Variants in STK3 observed in about 807,000 individuals in gnomAD.
STK3 encodes the protein serine/threonine kinase 3.
Under a neutral mutation model 58.0 loss-of-function variants are expected in STK3, and 41 were observed. That is an observed-to-expected ratio of 0.71 (90% CI 0.55 to 0.92). The LOEUF (loss-of-function observed/expected upper bound fraction) is 0.92. STK3 is among the 40% of genes least tolerant of loss of function. The pLI, the probability that STK3 is intolerant of heterozygous loss-of-function variation, is 0.00. For synonymous variants in STK3, 170 were observed against 191.0 expected (o/e 0.89, Z 0.91); for missense variants, 479 against 602.7 (o/e 0.79, Z 2.15).
intron 10 of STK3, among the ~76,000 whole-genome samples, chr8:98,480,772 T>C (rs189181102): frequency 6.6e-6 from 1 of 152,134 alleles, no homozygotes; most frequent in African/African-American, 2.4e-5. Flanking sequence ...CAAACAAAAT[T>C]AATAATAGTC....
intron 3 of STK3, among the ~76,000 whole-genome samples, chr8:98,857,731 T>C (rs1397841847): frequency 1.3e-5 from 2 of 152,200 alleles, no homozygotes; most frequent in African/African-American, 2.4e-5. Context: ...TATTTCAAGT[T>C]AAAATTATTT....
At chr8:98,874,621 TG>T (rs1486491385) in intron 3 of STK3, among the ~76,000 whole-genome samples, 1 of 151,952 alleles carries the variant, frequency 6.6e-6, no homozygotes, top group Non-Finnish European at 1.5e-5. Context: ...TCCATCAAAA[TG>T]TTTATAATTT....
At chr8:98,546,130 C>G (rs967595362) in intron 9 of STK3, among the ~76,000 whole-genome samples, 3 of 152,136 alleles carry the variant, frequency 2.0e-5, no homozygotes, top group African/African-American at 7.2e-5. Flanking sequence ...ATAAAAACCA[C>G]TTATCTGTTC....
chr8:98,706,881 A>G (rs1826007182), intron 5 of STK3, among the ~76,000 whole-genome samples: 1 of 152,210 alleles, frequency 6.6e-6, no homozygotes, highest in Non-Finnish European at 1.5e-5. Flanking sequence ...ATAGTGCTAC[A>G]ATGATAAAAG....
At chr8:98,667,995 T>C (rs1822498062) in intron 6 of STK3, among the ~76,000 whole-genome samples, 1 of 152,126 alleles carries the variant, frequency 6.6e-6, no homozygotes, top group South Asian at 2.1e-4. Flanking sequence ...CATTAGAGTA[T>C]TAGACACTTT....
At chr8:98,941,600 G>GGAAGCC (rs1840434084) in intron 1 of STK3, among the ~76,000 whole-genome samples, 1 of 152,238 alleles carries the variant, frequency 6.6e-6, no homozygotes, top group Admixed American at 6.5e-5. Flanking sequence ...GAGGCTGAGA[G>GGAAGCC]TCAACTCCAG....
intron 6 of STK3, among the ~76,000 whole-genome samples, chr8:98,674,665 C>G (rs1415587630): frequency 6.6e-6 from 1 of 152,004 alleles, no homozygotes. Flanking sequence ...GTCTAAAAAC[C>G]CTTCACTTCA....
At chr8:98,475,045 C>T (rs1563639994) in intron 10 of STK3, among the ~76,000 whole-genome samples, 2 of 152,166 alleles carry the variant, frequency 1.3e-5, no homozygotes, top group Non-Finnish European at 2.9e-5. Flanking sequence ...CGGTGACATA[C>T]ACATATTCAG....
intron 10 of STK3, among the ~76,000 whole-genome samples, chr8:98,478,680 T>A (rs1024306278): frequency 1.3e-5 from 2 of 152,216 alleles, no homozygotes; most frequent in Non-Finnish European, 2.9e-5. Flanking sequence ...TTTCGGAGCC[T>A]CTAAAATAAA....
chr8:98,620,514 C>CA (rs1181787226), intron 6 of STK3, among the ~76,000 whole-genome samples: 5,340 of 132,688 alleles, frequency 0.04, 207 homozygotes, highest in African/African-American at 0.1. Context: ...AGGTCAACAT[C>CA]AAAAAAAAAA....
At chr8:98,821,522 T>C (rs907595054) in intron 1 of STK3, among the ~76,000 whole-genome samples, 4 of 151,168 alleles carry the variant, frequency 2.6e-5, no homozygotes, top group Non-Finnish European at 5.9e-5. Flanking sequence ...AAATTAGGTA[T>C]GGTGGTGCGT....
At chr8:98,554,519 T>C (rs1303779500) in intron 8 of STK3, among the ~76,000 whole-genome samples, 2 of 152,130 alleles carry the variant, frequency 1.3e-5, no homozygotes, top group Non-Finnish European at 2.9e-5. Context: ...TTAGATAAAA[T>C]TGTAAAAACA....
intron 2 of STK3, among the ~76,000 whole-genome samples, chr8:98,373,180 CT>C (rs1419814119): frequency 1.3e-5 from 2 of 152,072 alleles, no homozygotes; most frequent in Non-Finnish European, 1.5e-5. Flanking sequence ...ATTATTCTTG[CT>C]TTTTTTGTGA....
chr8:98,920,267 AG>A (rs1393398504), intron 1 of STK3, among the ~76,000 whole-genome samples: 4 of 152,160 alleles, frequency 2.6e-5, no homozygotes, highest in Admixed American at 6.5e-5. Context: ...AAAAAATTGG[AG>A]GTTGGGGTAG....
chr8:98,716,735 C>G (rs138807538), intron 4 of STK3, among the ~76,000 whole-genome samples: 1 of 151,918 alleles, frequency 6.6e-6, no homozygotes, highest in Non-Finnish European at 1.5e-5. Context: ...AATAGAAGAA[C>G]AAAGCTAAAA....
At chr8:98,774,410 T>C (rs1271733886) in intron 2 of STK3, among the ~76,000 whole-genome samples, 2 of 152,214 alleles carry the variant, frequency 1.3e-5, no homozygotes, top group Non-Finnish European at 2.9e-5. Flanking sequence ...AGGATGGCCT[T>C]ATGGTCACTT....
intron 2 of STK3, among the ~76,000 whole-genome samples, chr8:98,375,017 A>T (rs991033146): frequency 6.6e-6 from 1 of 152,108 alleles, no homozygotes; most frequent in Non-Finnish European, 1.5e-5. Context: ...AGGTGGGAGG[A>T]TCACTGGAGC....
At chr8:98,900,201 C>T (rs896102132) in intron 1 of STK3, among the ~76,000 whole-genome samples, 13 of 151,836 alleles carry the variant, frequency 8.6e-5, no homozygotes, top group Non-Finnish European at 1.9e-4. Flanking sequence ...CTCAGCCTCC[C>T]GAGTAGCAGA....
chr8:98,621,105 A>G (rs898330334), intron 6 of STK3, among the ~76,000 whole-genome samples: 1 of 151,828 alleles, frequency 6.6e-6, no homozygotes, highest in Admixed American at 6.6e-5. Context: ...AATTTTTTGT[A>G]TTTTTAGTAG....
Sources: allele counts gnomAD v4.1 joint callset (sites outside exome capture counted in the v4.1 genomes callset), GRCh38; gene constraint gnomAD v4.1.1; transcripts MANE v1.5; gene names NCBI Gene and HGNC (gene_info 2026-07-23, HGNC 2026-07-21).